CUX2: variants seen among roughly 807,000 people sequenced by gnomAD.
The protein encoded by CUX2 is homeobox protein cut-like 2.
CUX2 carries 40 observed loss-of-function variants against 144.8 expected under a neutral mutation model. The ratio of observed to expected loss-of-function variants is 0.28; its 90% confidence interval spans 0.21 to 0.36. The LOEUF is 0.36. Ranked by LOEUF, CUX2 falls within the 10% of genes least tolerant of loss-of-function variation. The probability of loss-of-function intolerance (pLI) is 1.00; values close to 1 mark genes in which losing one functional copy is unlikely to be tolerated. For synonymous variants in CUX2, 827 were observed against 875.6 expected, an observed-to-expected ratio of 0.94 and a Z score of 0.98; for missense variants, 1,615 against 1,994.0, an observed-to-expected ratio of 0.81 and a Z score of 3.62.
intron 1 of CUX2, among the ~76,000 whole-genome samples, chr12:111,128,800 A>C (rs1440780829): frequency 6.6e-6 from 1 of 152,204 alleles, no homozygotes; most frequent in African/African-American, 2.4e-5. Flanking sequence ...CGAAGACTCC[A>C]GATAGCATCC....
chr12:111,164,627 A>G (rs1280401730), intron 1 of CUX2, among the ~76,000 whole-genome samples: 1 of 151,996 alleles, frequency 6.6e-6, no homozygotes, highest in Non-Finnish European at 1.5e-5. Context: ...AATAACAGAA[A>G]GTGAGCATGA....
chr12:111,258,973 TC>T (rs1445229818), intron 3 of CUX2, among the ~76,000 whole-genome samples: 1 of 151,686 alleles, frequency 6.6e-6, no homozygotes, highest in African/African-American at 2.4e-5. Flanking sequence ...ACTCAAGTGA[TC>T]CCCCTTTCTC....
chr12:111,295,779 TTTAA>T lies in CUX2; in HGVS notation c.637+372_637+375del, dbSNP rs1885953245. 6.6e-6 allele frequency among the ~76,000 whole-genome samples: 1 copy of T among 150,668 alleles called. No individual in the cohort carries two copies. Among genetic ancestry groups the T allele is most frequent in the African/African-American group, 2.5e-5 (1 of 40,620 alleles). ...ATTAATTAATTAATTAATTAATTAA[TTTAA>T]TACAACCCCTGCAGGGGCCAAAACG... On this transcript the variant is annotated intron_variant, in intron 7 of 21. Coordinates refer to ENST00000261726, the MANE Select transcript of CUX2 (RefSeq NM_015267.4). This position sits in a 1 kb window ranked among gnomAD's most constrained non-coding sequence, Gnocchi z 5.0.
intron 1 of CUX2, among the ~76,000 whole-genome samples, chr12:111,135,494 A>C (rs766370665): frequency 2.6e-5 from 4 of 152,246 alleles, no homozygotes. Context: ...ATACCCAAAA[A>C]AATTGAAAAC....
At chr12:111,201,244 G>C (rs998532931) in intron 1 of CUX2, among the ~76,000 whole-genome samples, 2 of 152,168 alleles carry the variant, frequency 1.3e-5, no homozygotes, top group Non-Finnish European at 2.9e-5. Flanking sequence ...GGTAGCAGGG[G>C]ATGGTGTGTC....
intron 1 of CUX2, among the ~76,000 whole-genome samples, chr12:111,129,834 T>C (rs754430709): frequency 6.6e-6 from 1 of 152,224 alleles, no homozygotes; most frequent in Non-Finnish European, 1.5e-5. Context: ...CTGTGTCTGC[T>C]GGGTATGTCT....
chr12:111,333,181 C>G (rs1490053672), intron 18 of CUX2, among the ~76,000 whole-genome samples: 1 of 152,006 alleles, frequency 6.6e-6, no homozygotes, highest in African/African-American at 2.4e-5. Context: ...TGCACTTCAG[C>G]CTGGGTGAAG....
chr12:111,314,639 T>TAAAAAAAAAAAAAAA (rs954472479), intron 16 of CUX2, among the ~76,000 whole-genome samples: 17 of 23,230 alleles, frequency 7.3e-4, no homozygotes, highest in African/African-American at 2.8e-3. Context: ...AAACTCAGTC[T>TAAAAAAAAAAAAAAA]AAAAAAAAAA....
chr12:111,174,507 A>C (rs1362103788), intron 1 of CUX2, among the ~76,000 whole-genome samples: 2 of 152,218 alleles, frequency 1.3e-5, no homozygotes, highest in Non-Finnish European at 2.9e-5. Flanking sequence ...CCCTAGTTGG[A>C]TACACAATAC....
In CUX2 at chr12:111,263,157, CT is replaced by C. The variant is rs1044340031; in HGVS notation, c.223-603del. ...TTCATTTCTCCTTCTTGCCCCTCCC[CT>C]ATCCCATGTTTGCACAAGTAGAAAA... On this transcript the variant is annotated intron_variant, in intron 3 of 21. Coordinates refer to ENST00000261726, the MANE Select transcript of CUX2 (RefSeq NM_015267.4). This position sits in a 1 kb window ranked among gnomAD's most constrained non-coding sequence, Gnocchi z 4.0. Among the ~76,000 whole-genome samples the C allele has an allele frequency of 2.6e-5, 4 of 152,212 alleles. No homozygotes were observed. The highest frequency in any genetic ancestry group is 4.8e-5 in the African/African-American group (2 of 41,458).
Position 111,310,212 on chromosome 12 carries a change from C to T in CUX2, c.1430C>T (p.Ser477Leu), listed in dbSNP as rs772400844. ...SLGPDGTRTF[S>L]LSPFPSLASG... ...GGGCCTGACGGCACTCGGACTTTCTCGCTGTCCCCCTTCCCCAGCCTGGCA... is the reference window on the plus strand; with the variant it reads ...GGGCCTGACGGCACTCGGACTTTCTTGCTGTCCCCCTTCCCCAGCCTGGCA... Residue 477 changes from serine (S) to leucine (L), a missense_variant, in exon 15 of 22, where the codon TCG (serine) becomes TTG (leucine). Transcript: ENST00000261726. The surrounding 1 kb of genome is among the most constrained non-coding windows in gnomAD (Gnocchi z 7.9). 7 of 1,514,904 alleles carry T rather than the reference C, an allele frequency of 4.6e-6. No homozygotes were observed. The highest frequency in any genetic ancestry group is 4.2e-5 in the African/African-American group (3 of 71,742). The allele number at this position is 1,514,904 out of a possible 1,614,324, so 93.8% of individuals were successfully genotyped here. A position where few individuals can be genotyped will look rare whatever the true frequency, so the allele number is the denominator to read the frequency against.
rs1356366061 is a variant in CUX2 at position 111,308,289 on chromosome 12, C to T, written c.1114C>T (p.Leu372=). The change falls in exon 13 of 22, where the codon CTG becomes TTG. Residue 372 remains leucine, a synonymous_variant. Coordinates refer to ENST00000261726, the MANE Select transcript of CUX2 (RefSeq NM_015267.4). The part of the protein sequence containing the change: ...YEEIKTELSI[L]KAMKLASSTC... ...CCTCTCCACTTGCTCTGGCAGCATC[C>T]TGAAAGCCATGAAGCTGGCCTCCAG... 1 of 1,614,100 alleles carries T rather than the reference C, an allele frequency of 6.2e-7. No homozygotes were observed. Among genetic ancestry groups the T allele is most frequent in the Non-Finnish European group, 8.5e-7 (1 of 1,179,984 alleles).
Position 111,050,119 on chromosome 12 carries a change from A to T in CUX2, c.63+15879A>T, listed in dbSNP as rs140599868. Among the ~76,000 whole-genome samples the T allele has an allele frequency of 6.9e-4, 105 of 152,120 alleles. 1 individual carries two copies. Among genetic ancestry groups the T allele is most frequent in the Middle Eastern group, 3.4e-3 (1 of 294 alleles). The stretch of plus-strand genomic sequence containing the variant: ...TTATAGAGCATCTGGCTCACACTGT[A>T]TCTCCATTTCTGTATCTCCCACCCA... On this transcript the variant is annotated intron_variant, in intron 1 of 21. Coordinates refer to ENST00000261726, the MANE Select transcript of CUX2 (RefSeq NM_015267.4).
intron 1 of CUX2, among the ~76,000 whole-genome samples, chr12:111,066,421 G>A (rs923158966): frequency 6.6e-5 from 10 of 152,108 alleles, no homozygotes; most frequent in Non-Finnish European, 1.5e-4. Context: ...AGAAGGTCTG[G>A]TAGCCTCCTG....
rs1431865711 is a variant in CUX2, at chr12:111,322,402, C to G, written c.2767-19C>G. Reference sequence around the variant, plus strand: ...TCCCAGGGGCCTGCTGACCTACCCCCCTGGCCCGCCCCTCGCAGGTGCTGG... The same window carrying G: ...TCCCAGGGGCCTGCTGACCTACCCCGCTGGCCCGCCCCTCGCAGGTGCTGG... On this transcript the variant is annotated intron_variant, in intron 17 of 21. Coordinates refer to ENST00000261726, the MANE Select transcript of CUX2 (RefSeq NM_015267.4). The surrounding 1 kb of genome is among the most constrained non-coding windows in gnomAD (Gnocchi z 4.2). 4 of 1,545,172 alleles carry G rather than the reference C, an allele frequency of 2.6e-6. No individual in the cohort carries two copies. The African/African-American group carries it at 5.5e-5, about 21-fold the overall frequency.
chr12:111,333,451 TG>T (rs1652215949), intron 18 of CUX2, among the ~76,000 whole-genome samples: 1 of 152,120 alleles, frequency 6.6e-6, no homozygotes, highest in African/African-American at 2.4e-5. Context: ...CAAGATCACT[TG>T]TGTTTAGTTT....
chr12:111,282,841 A>G (rs999049614), intron 4 of CUX2, among the ~76,000 whole-genome samples: 4 of 151,990 alleles, frequency 2.6e-5, no homozygotes, highest in African/African-American at 9.7e-5. Context: ...GGAATGGTCA[A>G]TGGGTCATTT....
chr12:111,149,658 A>T (rs952060318), intron 1 of CUX2, among the ~76,000 whole-genome samples: 13 of 152,208 alleles, frequency 8.5e-5, no homozygotes, highest in African/African-American at 3.1e-4. Flanking sequence ...CTCGTGTTTT[A>T]AAGCCACACC....
intron 1 of CUX2, among the ~76,000 whole-genome samples, chr12:111,195,981 CAA>C (rs1460589608): frequency 6.6e-6 from 1 of 152,134 alleles, no homozygotes. Flanking sequence ...TCTGTCACCC[CAA>C]AAAAGATCTT....
Sources: allele counts gnomAD v4.1 joint callset (sites outside exome capture counted in the v4.1 genomes callset), GRCh38; gene constraint gnomAD v4.1.1; non-coding constraint Gnocchi (gnomAD v3.1); transcripts MANE v1.5; gene names NCBI Gene and HGNC (gene_info 2026-07-23, HGNC 2026-07-21).